SLC25A26: variants seen among roughly 807,000 people sequenced by gnomAD.
SLC25A26 encodes the protein solute carrier family 25 member 26.
In SLC25A26, 36 loss-of-function variants were observed where a neutral mutation model predicts 37.8. The observed-to-expected ratio is 0.95, with a 90% CI of 0.73 to 1.26. SLC25A26 has a LOEUF of 1.26. Among genes scored for constraint, SLC25A26 ranks in the 50% most tolerant of loss-of-function variants. SLC25A26 has a pLI of 0.00. For synonymous variants in SLC25A26, 129 were observed against 122.5 expected (o/e 1.05, Z -0.35); for missense variants, 390 against 331.1 (o/e 1.18, Z -1.38).
At chr3:66,135,562 G>T (rs57120270) in intron 1 of SLC25A26, among the ~76,000 whole-genome samples, 4,741 of 152,284 alleles carry the variant, frequency 0.031, 259 homozygotes, top group African/African-American at 0.11. Context: ...GAGCTCACGA[G>T]TTTGAGACCA....
rs1383990590 is a variant in SLC25A26 at position 66,281,602 on chromosome 3, G to T, written c.453+18223G>T. ...ATAGCCTAATTGAGTTAGAATTCAT[G>T]TACCAGACAGTTTACTCGTTTAAAG... On this transcript the variant is annotated intron_variant, in intron 5 of 9. Transcript: ENST00000354883. Among the ~76,000 whole-genome samples the T allele has an allele frequency of 4.6e-5, 7 of 152,100 alleles. 1 individual carries two copies. The highest frequency in any genetic ancestry group is 3.3e-4 in the Admixed American group (5 of 15,266).
intron 1 of SLC25A26, among the ~76,000 whole-genome samples, chr3:66,159,128 C>T (rs1213724444): frequency 6.6e-6 from 1 of 152,138 alleles, no homozygotes; most frequent in East Asian, 1.9e-4. Flanking sequence ...CACGGTGGGC[C>T]CGTGTCCTGC....
At chr3:66,149,046 G>C (rs942008663) in intron 1 of SLC25A26, among the ~76,000 whole-genome samples, 1 of 152,136 alleles carries the variant, frequency 6.6e-6, no homozygotes, top group Admixed American at 6.5e-5. Context: ...AAGAGCACCT[G>C]CTTCCTTTGC....
intron 1 of SLC25A26, among the ~76,000 whole-genome samples, chr3:66,153,808 T>G (rs2070240163): frequency 6.6e-6 from 1 of 152,318 alleles, no homozygotes; most frequent in South Asian, 2.1e-4. Flanking sequence ...CCCCAGCTAG[T>G]TCACGATCTT....
chr3:66,221,744 GAA>G (rs888122588), intron 1 of SLC25A26, among the ~76,000 whole-genome samples: 1 of 150,366 alleles, frequency 6.7e-6, no homozygotes, highest in African/African-American at 2.5e-5. Flanking sequence ...TGAATTAACA[GAA>G]AAAAAAGTCC....
At chr3:66,340,231 A>G (rs1335284317) in intron 5 of SLC25A26, among the ~76,000 whole-genome samples, 3 of 151,992 alleles carry the variant, frequency 2.0e-5, no homozygotes, top group African/African-American at 7.2e-5. Context: ...TGCCACTACA[A>G]CACAGTTTTG....
chr3:66,236,027 T>C (rs929570000), intron 1 of SLC25A26, among the ~76,000 whole-genome samples: 6 of 152,148 alleles, frequency 3.9e-5, no homozygotes, highest in African/African-American at 1.4e-4. Flanking sequence ...TCCTTGTTCC[T>C]CAGCCTTCCA....
chr3:66,209,602 G>GTA (rs1348881737), intron 1 of SLC25A26, among the ~76,000 whole-genome samples: 9 of 124,520 alleles, frequency 7.2e-5, no homozygotes, highest in South Asian at 2.9e-4. Flanking sequence ...TATATAAAAG[G>GTA]TATATATATA....
chr3:66,352,326 T>C (rs895151016), intron 6 of SLC25A26, among the ~76,000 whole-genome samples: 2 of 152,152 alleles, frequency 1.3e-5, no homozygotes, highest in Non-Finnish European at 2.9e-5. Flanking sequence ...CACTCTGTAA[T>C]CTGGCCTCTG....
chr3:66,137,875 C>T (rs941764285), intron 1 of SLC25A26, among the ~76,000 whole-genome samples: 2 of 151,920 alleles, frequency 1.3e-5, no homozygotes, highest in Admixed American at 1.3e-4. Context: ...GCTCTGTCAC[C>T]CAGGCTGGAG....
intron 5 of SLC25A26, among the ~76,000 whole-genome samples, chr3:66,311,782 T>C (rs1084537): frequency 0.68 from 103,397 of 152,002 alleles, 36,252 homozygotes; most frequent in African/African-American, 0.85. Context: ...TGCTGGACGT[T>C]CATTTCAGAC....
chr3:66,324,818 T>G (rs965645002), intron 5 of SLC25A26, among the ~76,000 whole-genome samples: 1 of 152,184 alleles, frequency 6.6e-6, no homozygotes, highest in Non-Finnish European at 1.5e-5. Context: ...TGGCTTTTTT[T>G]GCCTTATATT....
intron 5 of SLC25A26, among the ~76,000 whole-genome samples, chr3:66,290,041 G>T (rs2074651636): frequency 6.6e-6 from 1 of 152,038 alleles, no homozygotes; most frequent in South Asian, 2.1e-4. Context: ...CACATCTGTT[G>T]TAAGTTGTAG....
At chr3:66,206,745 T>G (rs992090949) in intron 1 of SLC25A26, among the ~76,000 whole-genome samples, 2 of 150,638 alleles carry the variant, frequency 1.3e-5, no homozygotes, top group Admixed American at 1.3e-4. Flanking sequence ...CTGTATTGCA[T>G]AGGCTGGGGT....
In SLC25A26 at chr3:66,370,002, C is replaced by T. The variant is rs1700259848; in HGVS notation, c.633+460C>T. 2.6e-5 allele frequency among the ~76,000 whole-genome samples: 4 copies of T among 152,222 alleles called. No homozygotes were observed. The South Asian group carries it at 8.3e-4, about 32-fold the overall frequency. On this transcript the variant is annotated intron_variant, in intron 8 of 9. Coordinates refer to ENST00000354883, the MANE Select transcript of SLC25A26 (RefSeq NM_001379210.1). Reference sequence around the variant, plus strand: ...TGCTAGATAGAGAGTTGAAAGAATGCCATACGTATAACATACCTGAACTGA... The same window carrying T: ...TGCTAGATAGAGAGTTGAAAGAATGTCATACGTATAACATACCTGAACTGA...
At chr3:66,223,601 C>CTT (rs2071601223) in intron 1 of SLC25A26, among the ~76,000 whole-genome samples, 3 of 152,150 alleles carry the variant, frequency 2.0e-5, no homozygotes, top group Non-Finnish European at 4.4e-5. Flanking sequence ...CAGTACCTGG[C>CTT]ACTAGGTAAG....
chr3:66,264,083 C>G (rs1372629983), intron 5 of SLC25A26, among the ~76,000 whole-genome samples: 2 of 152,106 alleles, frequency 1.3e-5, no homozygotes, highest in Non-Finnish European at 2.9e-5. Context: ...TCGAAACCAA[C>G]CTGGCCAACA....
chr3:66,327,844 A>C (rs2075876008), intron 5 of SLC25A26, among the ~76,000 whole-genome samples: 1 of 151,048 alleles, frequency 6.6e-6, no homozygotes, highest in African/African-American at 2.4e-5. Flanking sequence ...CCTGTGTTTT[A>C]ATGTCTGTTT....
At chr3:66,156,427 AT>A (rs1234759694) in intron 1 of SLC25A26, among the ~76,000 whole-genome samples, 1 of 150,684 alleles carries the variant, frequency 6.6e-6, no homozygotes, top group Non-Finnish European at 1.5e-5. Context: ...AAGCGGAGAA[AT>A]TAGCAACATG....
Sources: allele counts gnomAD v4.1 joint callset (sites outside exome capture counted in the v4.1 genomes callset), GRCh38; gene constraint gnomAD v4.1.1; transcripts MANE v1.5; gene names NCBI Gene and HGNC (gene_info 2026-07-23, HGNC 2026-07-21).